Variants in SPRY3 observed in about 807,000 individuals in gnomAD.
SPRY3 encodes sprouty RTK signaling antagonist 3, also known as protein sprouty homolog 3.
A neutral mutation model predicts 20.2 loss-of-function variants in SPRY3; 15 were observed. The ratio of observed to expected loss-of-function variants is 0.74; its 90% confidence interval spans 0.50 to 1.14. The LOEUF (loss-of-function observed/expected upper bound fraction) is 1.14, where lower values mean the gene tolerates loss of function less well. SPRY3 is among the 50% of genes most tolerant of loss of function. The pLI is 0.00. For missense variants in SPRY3, 364 were observed against 363.9 expected (o/e 1.00, Z 0.00); for synonymous variants, 143 against 136.5 (o/e 1.05, Z -0.33).
chrX:155,734,215 A>G lies in SPRY3; in HGVS notation c.-281-33747A>G, dbSNP rs189136420. Among the ~76,000 whole-genome samples the G allele has an allele frequency of 5.3e-5, 8 of 152,188 alleles. No individual in the cohort carries two copies. In the East Asian group the frequency reaches 1.4e-3, roughly 26 times the overall value. On this transcript the variant is annotated intron_variant, in intron 2 of 3. Transcript: ENST00000675360. ...TCATTTCTAGCTTTTGATTTAAAGGAGAGACATGTAACTTTTCCTTTCATT... is the reference window on the plus strand; with the variant it reads ...TCATTTCTAGCTTTTGATTTAAAGGGGAGACATGTAACTTTTCCTTTCATT...
intron 1 of SPRY3, among the ~76,000 whole-genome samples, chrX:155,632,246 C>T (rs907873814): frequency 2.7e-5 from 3 of 109,788 alleles, no homozygotes; most frequent in African/African-American, 1.0e-4. Flanking sequence ...CACACACACA[C>T]GCACACACAC....
At chrX:155,653,953 T>C (rs149567796) in intron 1 of SPRY3, among the ~76,000 whole-genome samples, 1,450 of 111,810 alleles carry the variant, frequency 0.013, 24 homozygotes, top group African/African-American at 0.044. Context: ...AATTAAATTA[T>C]GACACCATCT....
At chrX:155,658,322 T>C (rs954947325) in intron 2 of SPRY3, among the ~76,000 whole-genome samples, 7 of 112,192 alleles carry the variant, frequency 6.2e-5, no homozygotes, top group Admixed American at 2.8e-4. Flanking sequence ...TTCATGCACA[T>C]GAGTTATCTT....
At chrX:155,696,284 A>G (rs1330199470) in intron 2 of SPRY3, among the ~76,000 whole-genome samples, 2 of 108,467 alleles carry the variant, frequency 1.8e-5, no homozygotes, top group Non-Finnish European at 3.8e-5. Context: ...GAGAGTCTGG[A>G]GTTAATAGTG....
At chrX:155,737,977 T>C (rs2091180066) in intron 2 of SPRY3, among the ~76,000 whole-genome samples, 1 of 152,152 alleles carries the variant, frequency 6.6e-6, no homozygotes, top group African/African-American at 2.4e-5. Flanking sequence ...TACCCAAGTA[T>C]ATTTGAATGC....
chrX:155,761,401 C>T (rs1000737899), intron 2 of SPRY3, among the ~76,000 whole-genome samples: 9 of 152,114 alleles, frequency 5.9e-5, no homozygotes, highest in African/African-American at 2.2e-4. Context: ...TTCATGGCTG[C>T]ATAGTATTCC....
At chrX:155,728,441 C>A (rs1260712017) in intron 2 of SPRY3, among the ~76,000 whole-genome samples, 2 of 152,200 alleles carry the variant, frequency 1.3e-5, no homozygotes, top group African/African-American at 2.4e-5. Flanking sequence ...AGGCAGTAGG[C>A]CTTGCTGAGC....
intron 2 of SPRY3, among the ~76,000 whole-genome samples, chrX:155,690,893 C>A (rs2068100450): frequency 1.1e-5 from 1 of 87,281 alleles, no homozygotes; most frequent in African/African-American, 5.5e-5. Flanking sequence ...CTGGATATAC[C>A]TTTATCAATA....
At chrX:155,728,173 C>T (rs2091111585) in intron 2 of SPRY3, among the ~76,000 whole-genome samples, 2 of 152,128 alleles carry the variant, frequency 1.3e-5, no homozygotes, top group Admixed American at 1.3e-4. Context: ...GCTACCTGAT[C>T]CTTCCTCTGG....
At chrX:155,657,183 G>A (rs918999698) in intron 2 of SPRY3, among the ~76,000 whole-genome samples, 6 of 111,853 alleles carry the variant, frequency 5.4e-5, no homozygotes, top group African/African-American at 9.7e-5. Flanking sequence ...GCTGGCAGGC[G>A]GGAATGTTTA....
chrX:155,678,418 C>T (rs1215215761), intron 2 of SPRY3, among the ~76,000 whole-genome samples: 2 of 111,825 alleles, frequency 1.8e-5, no homozygotes. Context: ...AGACACTGGC[C>T]TATCTACTTG....
intron 2 of SPRY3, among the ~76,000 whole-genome samples, chrX:155,725,438 C>T (rs1367059172): frequency 2.0e-5 from 3 of 152,076 alleles, no homozygotes; most frequent in African/African-American, 4.8e-5. Flanking sequence ...GCTGTGAATC[C>T]GTCTGGTCCT....
intron 2 of SPRY3, among the ~76,000 whole-genome samples, chrX:155,708,595 C>A (rs887224118): frequency 1.3e-5 from 2 of 151,172 alleles, no homozygotes; most frequent in African/African-American, 4.8e-5. Context: ...AATCTTTCTT[C>A]ATATTTTTTA....
intron 2 of SPRY3, among the ~76,000 whole-genome samples, chrX:155,665,252 T>C (rs2068021179): frequency 9.0e-6 from 1 of 110,602 alleles, no homozygotes; most frequent in Admixed American, 9.6e-5. Flanking sequence ...TGAGGAGAAA[T>C]AGGAGCTTTT....
chrX:155,676,060 CTCT>C (rs1181409306), intron 2 of SPRY3, among the ~76,000 whole-genome samples: 3 of 110,820 alleles, frequency 2.7e-5, no homozygotes, highest in Admixed American at 1.9e-4. Flanking sequence ...CTGAAAATTT[CTCT>C]TATTTTTTTT....
At chrX:155,633,127 T>C (rs1249686692) in intron 1 of SPRY3, among the ~76,000 whole-genome samples, 1 of 110,979 alleles carries the variant, frequency 9.0e-6, no homozygotes, top group East Asian at 2.8e-4. Flanking sequence ...AATAGATGGG[T>C]AGATTACTAA....
rs2091398304 is a variant in SPRY3, at chrX:155,773,658, A to G, written c.-106-108A>G. On this transcript the variant is annotated intron_variant, in intron 3 of 3. Coordinates refer to ENST00000675360, the Ensembl canonical transcript of SPRY3. Reference sequence around the variant, plus strand: ...AAAGGTGTAGCATGAAGATTACTGTAAAGTAATTGAAGGTAGTGGTGGTGA... The same window carrying G: ...AAAGGTGTAGCATGAAGATTACTGTGAAGTAATTGAAGGTAGTGGTGGTGA... 38 of 599,480 alleles carry G rather than the reference A, an allele frequency of 6.3e-5. No individual in the cohort carries two copies. The East Asian group carries it at 1.0e-3, about 16-fold the overall frequency. The allele number at this position is 599,480 out of a possible 1,614,324, so 37.1% of individuals were successfully genotyped here. A position where few individuals can be genotyped will look rare whatever the true frequency, so the allele number is the denominator to read the frequency against.
At chrX:155,617,949 C>T (rs1557349066) in intron 1 of SPRY3, among the ~76,000 whole-genome samples, 1 of 112,082 alleles carries the variant, frequency 8.9e-6, no homozygotes, top group Admixed American at 9.4e-5. Flanking sequence ...ACAATTTCCT[C>T]TGATGGTAAA....
intron 2 of SPRY3, among the ~76,000 whole-genome samples, chrX:155,742,582 C>T (rs1305963593): frequency 6.6e-6 from 1 of 152,134 alleles, no homozygotes; most frequent in African/African-American, 2.4e-5. Flanking sequence ...AAATTGATCA[C>T]ATAATTGTAA....
Sources: gnomAD v4.1 joint callset for allele counts (sites outside exome capture counted in the v4.1 genomes callset) on GRCh38, gnomAD v4.1.1 for gene constraint, MANE v1.5 for transcripts, NCBI Gene and HGNC (gene_info 2026-07-23, HGNC 2026-07-21) for gene names.